DUSP22: variants seen among roughly 807,000 people sequenced by gnomAD.
DUSP22 encodes dual specificity protein phosphatase 22.
DUSP22 carries 24 observed loss-of-function variants against 24.5 expected under a neutral mutation model. The ratio of observed to expected loss-of-function variants is 0.98; its 90% CI spans 0.71 to 1.38. The LOEUF (loss-of-function observed/expected upper bound fraction) is 1.38, where lower values mean the gene tolerates loss of function less well. DUSP22 is among the 40% of genes most tolerant of loss of function. DUSP22 has a pLI of 0.00. For missense variants in DUSP22, 330 were observed against 269.2 expected (o/e 1.23, Z -1.58); for synonymous variants, 160 against 106.4 (o/e 1.50, Z -3.10).
intron 4 of DUSP22, among the ~76,000 whole-genome samples, chr6:340,222 AAT>A (rs1759545113): frequency 6.6e-6 from 1 of 152,310 alleles, no homozygotes. Flanking sequence ...CAGTGCGTGA[AAT>A]ATCAAAGTTG....
In DUSP22 at chr6:350,894, C is replaced by A. The variant is rs751054961; in HGVS notation, c.*1943C>A. 1 of 1,613,926 alleles carries A rather than the reference C, an allele frequency of 6.2e-7. No individual in the cohort carries two copies. The highest frequency in any genetic ancestry group is 8.5e-7 in the Non-Finnish European group (1 of 1,179,732). ...TGTACCTGAAGTTTCTGAAATATTG[C>A]AAACCCACAGAGTTTAGGCTGGTGC... On this transcript the variant is annotated 3_prime_UTR_variant, in exon 7 of 7. Coordinates refer to ENST00000419235, the MANE Select transcript of DUSP22 (RefSeq NM_001286555.3).
intron 3 of DUSP22, among the ~76,000 whole-genome samples, chr6:329,118 G>C (rs1466354265): frequency 1.3e-5 from 2 of 152,310 alleles, no homozygotes; most frequent in African/African-American, 4.8e-5. Context: ...TTGCAAAGAG[G>C]AGACAGCTCA....
intron 3 of DUSP22, among the ~76,000 whole-genome samples, chr6:332,644 C>CTTTTTTTTTTTTTTTTTTTTTTTTTT: frequency 6.8e-6 from 1 of 148,066 alleles, no homozygotes; most frequent in Non-Finnish European, 1.5e-5. Flanking sequence ...TCCTGTCCTT[C>CTTTTTTTTTTTTTTTTTTTTTTTTTT]TTTTTTTTTT....
rs558158227 is a variant in DUSP22, at chr6:323,621, T to A, written c.139-11493T>A. Among the ~76,000 whole-genome samples the A allele has an allele frequency of 9.8e-5, 15 of 152,420 alleles. No individual in the cohort carries two copies. In the East Asian group the frequency reaches 2.7e-3, roughly 27 times the overall value. ...CAAGGAGAGGACGCGGGGAAGTGGC[T>A]CTTAGGGCGTCCCTTTGCCATCTTA... is the stretch of plus-strand genomic sequence containing the variant. On this transcript the variant is annotated intron_variant, in intron 3 of 6. Coordinates refer to ENST00000419235, the MANE Select transcript of DUSP22 (RefSeq NM_001286555.3).
intron 4 of DUSP22, among the ~76,000 whole-genome samples, chr6:335,545 G>C (rs1182810001): frequency 1.3e-5 from 2 of 152,302 alleles, no homozygotes; most frequent in Non-Finnish European, 2.9e-5. Context: ...GCCACAAATG[G>C]GCAGTTTTAA....
rs1184602061 is a variant in DUSP22, at chr6:348,574, C to T, written c.436-195C>T. 4 of 1,013,998 alleles carry T rather than the reference C, an allele frequency of 3.9e-6. No homozygotes were observed. The East Asian group carries it at 7.7e-5, about 20-fold the overall frequency. 62.8% of individuals were successfully genotyped at this position (1,013,998 alleles called of 1,614,324 possible). Reference sequence around the variant, plus strand: ...GTCTGGCCTATTTTCATGTCCTAGGCCAGCACCTTGAAGGAGCAGTTCCTT... The same window carrying T: ...GTCTGGCCTATTTTCATGTCCTAGGTCAGCACCTTGAAGGAGCAGTTCCTT... On this transcript the variant is annotated intron_variant, in intron 6 of 6. Transcript: ENST00000419235.
chr6:292,906 C>T (rs1757159665), intron 1 of DUSP22, among the ~76,000 whole-genome samples: 3 of 152,396 alleles, frequency 2.0e-5, no homozygotes, highest in South Asian at 2.1e-4. Context: ...TTGCCCTCCT[C>T]TTCGCTCCCA....
At chr6:310,229 G>T (rs994371167) in intron 2 of DUSP22, among the ~76,000 whole-genome samples, 1 of 152,300 alleles carries the variant, frequency 6.6e-6, no homozygotes, top group African/African-American at 2.4e-5. Context: ...CCAAAGTTCC[G>T]GGATTACAGG....
intron 1 of DUSP22, among the ~76,000 whole-genome samples, chr6:297,420 G>A (rs1162487013): frequency 6.6e-6 from 1 of 152,308 alleles, no homozygotes; most frequent in Non-Finnish European, 1.5e-5. Context: ...AGGAAGATGA[G>A]GGAGTATAGT....
At chr6:310,390 T>G (rs2127396965) in intron 2 of DUSP22, among the ~76,000 whole-genome samples, 1 of 152,422 alleles carries the variant, frequency 6.6e-6, no homozygotes, top group South Asian at 2.1e-4. Context: ...AGTAGAAGGG[T>G]TCCACTTCAG....
In DUSP22 at chr6:333,364, A is replaced by G. The variant is rs572748233; in HGVS notation, c.139-1750A>G. On this transcript the variant is annotated intron_variant, in intron 3 of 6. Coordinates refer to ENST00000419235, the MANE Select transcript of DUSP22 (RefSeq NM_001286555.3). ...ACAGCAATAAAGTTCATCTCCTTCA[A>G]GACCCAAAAGGGCCTTTATTGGAAG... Among the ~76,000 whole-genome samples, 3 of 152,428 alleles carry G rather than the reference A, an allele frequency of 2.0e-5. No homozygotes were observed. The South Asian group carries it at 6.2e-4, about 32-fold the overall frequency.
intron 4 of DUSP22, among the ~76,000 whole-genome samples, chr6:339,752 C>G (rs1202275289): frequency 1.3e-5 from 2 of 152,302 alleles, no homozygotes; most frequent in Non-Finnish European, 2.9e-5. Flanking sequence ...AACGTCCTTG[C>G]CTTATTCTAT....
chr6:299,066 T>G (rs1442109039), intron 1 of DUSP22, among the ~76,000 whole-genome samples: 1 of 152,308 alleles, frequency 6.6e-6, no homozygotes, highest in Non-Finnish European at 1.5e-5. Context: ...AGCAGCAGTT[T>G]CAGAGGCCCA....
intron 2 of DUSP22, among the ~76,000 whole-genome samples, chr6:307,124 G>C (rs1381184916): frequency 6.6e-6 from 1 of 152,312 alleles, no homozygotes; most frequent in South Asian, 2.1e-4. Context: ...GGTGAATCCA[G>C]CTGTCATCTG....
intron 1 of DUSP22, among the ~76,000 whole-genome samples, chr6:292,826 G>A (rs1309004461): frequency 1.3e-5 from 2 of 152,278 alleles, no homozygotes; most frequent in Non-Finnish European, 2.9e-5. Context: ...AACAAGCCGC[G>A]CCCTTTGAAA....
At chr6:343,100 G>C (rs1447301877) in intron 4 of DUSP22, among the ~76,000 whole-genome samples, 1 of 152,306 alleles carries the variant, frequency 6.6e-6, no homozygotes, top group Non-Finnish European at 1.5e-5. Flanking sequence ...GTGTCCTTCG[G>C]CACTGATACC....
At chr6:306,531 A>C (rs1412366882) in intron 2 of DUSP22, among the ~76,000 whole-genome samples, 4 of 152,298 alleles carry the variant, frequency 2.6e-5, no homozygotes, top group African/African-American at 9.6e-5. Flanking sequence ...CATAGGGTTA[A>C]TGCTGCATTA....
intron 3 of DUSP22, among the ~76,000 whole-genome samples, chr6:321,843 G>C (rs1321066492): frequency 6.6e-6 from 1 of 152,304 alleles, no homozygotes; most frequent in Non-Finnish European, 1.5e-5. Flanking sequence ...GGATGCCTGA[G>C]GGTACAGCTA....
intron 6 of DUSP22, 52 bp from the exon 7 acceptor site, chr6:348,717 T>G: frequency 6.2e-7 from 1 of 1,609,142 alleles, no homozygotes; most frequent in Non-Finnish European, 8.5e-7. Context: ...CCCACGTGGA[T>G]GCAGACGTGC....
Sources: gnomAD v4.1 joint callset for allele counts (sites outside exome capture counted in the v4.1 genomes callset) on GRCh38, gnomAD v4.1.1 for gene constraint, MANE v1.5 for transcripts, NCBI Gene and HGNC (gene_info 2026-07-23, HGNC 2026-07-21) for gene names.